Variants in PDE4D observed in about 807,000 individuals in gnomAD.
The protein encoded by PDE4D is phosphodiesterase 4D.
A neutral mutation model predicts 87.4 loss-of-function variants in PDE4D; 24 were observed. The observed-to-expected ratio is 0.27, with a 90% confidence interval of 0.20 to 0.39. The LOEUF is 0.39. Among genes scored for constraint, PDE4D ranks in the 10% least tolerant of loss-of-function variants. The pLI is 1.00. For synonymous variants in PDE4D, 384 were observed against 383.2 expected (o/e 1.00, Z -0.02); for missense variants, 714 against 1,041.0 (o/e 0.69, Z 4.32).
At chr5:59,079,876 AG>A in intron 5 of PDE4D, among the ~76,000 whole-genome samples, 1 of 126,802 alleles carries the variant, frequency 7.9e-6, no homozygotes, top group Non-Finnish European at 1.6e-5. Context: ...AGAGGAGAGG[AG>A]AGGAGAAGGG....
intron 1 of PDE4D, among the ~76,000 whole-genome samples, chr5:59,669,322 T>G (rs2016004): frequency 0.072 from 10,958 of 152,166 alleles, 1,219 homozygotes; most frequent in African/African-American, 0.24. Flanking sequence ...ATGTTGGTCA[T>G]GCTGGTCTCA....
At chr5:59,132,603 C>T (rs559654675) in intron 5 of PDE4D, among the ~76,000 whole-genome samples, 9 of 152,210 alleles carry the variant, frequency 5.9e-5, no homozygotes, top group South Asian at 2.1e-4. Context: ...ATGCAATTAA[C>T]GAATACATAA....
chr5:59,715,869 C>T (rs992858760), intron 1 of PDE4D, among the ~76,000 whole-genome samples: 1 of 152,206 alleles, frequency 6.6e-6, no homozygotes, highest in Non-Finnish European at 1.5e-5. Flanking sequence ...GTTGTTGCTC[C>T]TTGTATTACT....
chr5:59,419,347 T>C (rs915130281), intron 1 of PDE4D, among the ~76,000 whole-genome samples: 2 of 152,254 alleles, frequency 1.3e-5, no homozygotes, highest in Admixed American at 6.5e-5. Context: ...TTTGCATTCC[T>C]AGCTGAAAAT....
intron 5 of PDE4D, among the ~76,000 whole-genome samples, chr5:59,164,630 C>T (rs985895233): frequency 6.6e-6 from 1 of 152,042 alleles, no homozygotes; most frequent in African/African-American, 2.4e-5. Flanking sequence ...CTCACTGCTC[C>T]CCTGGGAAAA....
chr5:60,366,513 C>T (rs1020556404), intron 1 of PDE4D, among the ~76,000 whole-genome samples: 21 of 152,200 alleles, frequency 1.4e-4, no homozygotes, highest in Non-Finnish European at 1.6e-4. Flanking sequence ...AAAGCATTTA[C>T]CAGATAACAA....
At chr5:59,627,615 A>G (rs1447121513) in intron 1 of PDE4D, among the ~76,000 whole-genome samples, 1 of 152,160 alleles carries the variant, frequency 6.6e-6, no homozygotes, top group East Asian at 1.9e-4. Flanking sequence ...TCAGTAACAC[A>G]TTGGAGTATG....
At chr5:59,298,559 C>T (rs1375562307) in intron 1 of PDE4D, among the ~76,000 whole-genome samples, 1 of 152,136 alleles carries the variant, frequency 6.6e-6, no homozygotes, top group African/African-American at 2.4e-5. Flanking sequence ...TAAATCAAGA[C>T]AAAGCTCACA....
intron 2 of PDE4D, among the ~76,000 whole-genome samples, chr5:60,078,430 G>A (rs924963722): frequency 6.6e-5 from 10 of 150,874 alleles, no homozygotes; most frequent in Admixed American, 4.6e-4. Context: ...TTTATTTCTT[G>A]TAAAAAAAAC....
chr5:59,212,907 A>T (rs754009636), intron 2 of PDE4D, among the ~76,000 whole-genome samples: 2 of 151,712 alleles, frequency 1.3e-5, no homozygotes, highest in Non-Finnish European at 2.9e-5. Flanking sequence ...TTTGATCTGC[A>T]TAGTGGCTTT....
At chr5:59,240,493 T>G (rs1306311294) in intron 1 of PDE4D, among the ~76,000 whole-genome samples, 4 of 152,096 alleles carry the variant, frequency 2.6e-5, no homozygotes, top group Non-Finnish European at 4.4e-5. Context: ...TGATGAGTGG[T>G]GTAGGTGATG....
chr5:60,112,763 C>T (rs1397980661), intron 2 of PDE4D, among the ~76,000 whole-genome samples: 5 of 151,974 alleles, frequency 3.3e-5, no homozygotes, highest in African/African-American at 1.2e-4. Context: ...ATCCTTAGTT[C>T]CTGGCTATAT....
At chr5:59,290,020 G>T (rs1315147089) in intron 1 of PDE4D, among the ~76,000 whole-genome samples, 1 of 151,528 alleles carries the variant, frequency 6.6e-6, no homozygotes, top group African/African-American at 2.4e-5. Flanking sequence ...GAAAAAAAGA[G>T]AACACAAAAA....
intron 1 of PDE4D, chr5:59,217,408 CT>C: frequency 2.7e-6 from 1 of 375,994 alleles, no homozygotes; most frequent in South Asian, 2.1e-5. Context: ...AGAGTTATGA[CT>C]CTAAGATTGG....
chr5:60,393,349 C>T (rs1352224077), intron 1 of PDE4D, among the ~76,000 whole-genome samples: 1 of 152,130 alleles, frequency 6.6e-6, no homozygotes, highest in African/African-American at 2.4e-5. Flanking sequence ...CTTTAAGCAT[C>T]GCACATTGTG....
At chr5:59,875,469 A>AAAAAAAAAAAAG (rs1448739144) in intron 1 of PDE4D, among the ~76,000 whole-genome samples, 12 of 148,656 alleles carry the variant, frequency 8.1e-5, no homozygotes, top group African/African-American at 2.2e-4. Flanking sequence ...TCAAAAAAAA[A>AAAAAAAAAAAAG]AAAAAAAAAA....
chr5:59,395,430 T>C (rs1789203544), intron 1 of PDE4D, among the ~76,000 whole-genome samples: 1 of 152,296 alleles, frequency 6.6e-6, no homozygotes, highest in African/African-American at 2.4e-5. Context: ...CTCTGACCCC[T>C]GACCCCCGAG....
intron 1 of PDE4D, among the ~76,000 whole-genome samples, chr5:59,303,059 A>T (rs1374060680): frequency 2.0e-5 from 3 of 152,002 alleles, no homozygotes; most frequent in East Asian, 1.9e-4. Flanking sequence ...GTTTTTTAAA[A>T]TTTTTTTATT....
chr5:60,100,649 T>A (rs1048102126), intron 2 of PDE4D, among the ~76,000 whole-genome samples: 1 of 152,094 alleles, frequency 6.6e-6, no homozygotes, highest in East Asian at 1.9e-4. Context: ...GCTACCACTC[T>A]TCTCAGGGTT....
Sources: gnomAD v4.1 joint callset for allele counts (sites outside exome capture counted in the v4.1 genomes callset) on GRCh38, gnomAD v4.1.1 for gene constraint, MANE v1.5 for transcripts, NCBI Gene and HGNC (gene_info 2026-07-23, HGNC 2026-07-21) for gene names.